Variants in EIF2B1 observed in about 807,000 individuals in gnomAD.
EIF2B1 encodes eukaryotic translation initiation factor 2B subunit alpha, also known as translation initiation factor eIF2B subunit alpha.
In EIF2B1, 30 loss-of-function variants were observed where a neutral mutation model predicts 36.8. The observed-to-expected ratio is 0.81, with a 90% CI of 0.61 to 1.10. EIF2B1 has a LOEUF of 1.10. EIF2B1 is among the 50% of genes least tolerant of loss of function. The pLI is 0.00. For missense variants in EIF2B1, 271 were observed against 374.8 expected, an observed-to-expected ratio of 0.72 and a Z score of 2.29; for synonymous variants, 139 against 142.2, an observed-to-expected ratio of 0.98 and a Z score of 0.16.
intron 1 of EIF2B1, among the ~76,000 whole-genome samples, 183 bp from the exon 2 acceptor site, chr12:123,632,629 G>C (rs1191293691): frequency 6.6e-6 from 1 of 152,178 alleles, no homozygotes; most frequent in Non-Finnish European, 1.5e-5. Flanking sequence ...TTTGCTGTTT[G>C]CAAGAGCTCT....
At chr12:123,622,282 G>A (rs547994717) in intron 8 of EIF2B1, among the ~76,000 whole-genome samples, 2 of 152,328 alleles carry the variant, frequency 1.3e-5, no homozygotes, top group East Asian at 3.9e-4. Flanking sequence ...ATACTGCTAT[G>A]CCATTTTACA....
intron 5 of EIF2B1, 159 bp downstream of exon 5, chr12:123,626,885 G>C (rs1377520769): frequency 4.0e-6 from 3 of 744,784 alleles, no homozygotes; most frequent in Non-Finnish European, 7.1e-6. Context: ...TGCAAATTCA[G>C]TGATTTTTCT....
At chr12:123,625,656 T>C (rs192080943) in intron 6 of EIF2B1, among the ~76,000 whole-genome samples, 11 of 152,342 alleles carry the variant, frequency 7.2e-5, no homozygotes, top group Middle Eastern at 6.8e-3. Flanking sequence ...TCTTGTTTTT[T>C]CTTGGGAAAT....
intron 7 of EIF2B1, among the ~76,000 whole-genome samples, chr12:123,624,203 CCAGA>C (rs1955130823): frequency 1.3e-5 from 2 of 149,708 alleles, no homozygotes; most frequent in Non-Finnish European, 3.0e-5. Flanking sequence ...AAAGCAAAAA[CCAGA>C]CAAACCCCAA....
chr12:123,623,242 A>C (rs139738174), intron 7 of EIF2B1, among the ~76,000 whole-genome samples: 1 of 151,782 alleles, frequency 6.6e-6, no homozygotes, highest in Non-Finnish European at 1.5e-5. Flanking sequence ...TTAGCTGGGC[A>C]TGGTGGGATG....
Position 123,620,579 on chromosome 12 carries a change from A to G in EIF2B1, c.*1177T>C, listed in dbSNP as rs1320197006. 1 of 70,942 alleles carries G rather than the reference A, an allele frequency of 1.4e-5. No individual in the cohort carries two copies. The highest frequency in any genetic ancestry group is 1.8e-4 in the Admixed American group (1 of 5,710). The allele number at this position is 70,942 out of a possible 1,614,324, so 4.4% of individuals were successfully genotyped here. On this transcript the variant is annotated 3_prime_UTR_variant, in exon 9 of 9. Transcript: ENST00000424014. ...GGGTCACATATAGACATATGTACATATTATATATATATATATATATATATA... is the reference window on the plus strand; with the variant it reads ...GGGTCACATATAGACATATGTACATGTTATATATATATATATATATATATA...
rs1566210773 is a variant in EIF2B1 at position 123,620,583 on chromosome 12, TATATA to T, written c.*1168_*1172del. On this transcript the variant is annotated 3_prime_UTR_variant, in exon 9 of 9. Coordinates refer to ENST00000424014, the MANE Select transcript of EIF2B1 (RefSeq NM_001414.4). Reference sequence around the variant, plus strand: ...CACATATAGACATATGTACATATTATATATATATATATATATATATATATATATAT... The same window carrying T: ...CACATATAGACATATGTACATATTATTATATATATATATATATATATATAT... 229 of 25,438 alleles carry T rather than the reference TATATA, an allele frequency of 9.0e-3. 5 individuals are homozygous for T. Among genetic ancestry groups the T allele is most frequent in the African/African-American group, 0.028 (215 of 7,558 alleles). The allele number at this position is 25,438 out of a possible 1,614,324, so 1.6% of individuals were successfully genotyped here.
intron 8 of EIF2B1, among the ~76,000 whole-genome samples, chr12:123,622,431 C>T (rs1469803192): frequency 1.3e-5 from 2 of 152,184 alleles, no homozygotes; most frequent in Admixed American, 1.3e-4. Context: ...CCTCTCCACC[C>T]ATCTATGGTG....
At position 123,621,075 on chromosome 12, in the gene EIF2B1, A is replaced by G. The variant is rs934454881; in HGVS notation, c.*681T>C. Reference sequence around the variant, plus strand: ...AAAGATGCTGAATTTATTCCCAAGTATAATTTTAAAAAGCTGTTTAGGACC... The same window carrying G: ...AAAGATGCTGAATTTATTCCCAAGTGTAATTTTAAAAAGCTGTTTAGGACC... On this transcript the variant is annotated 3_prime_UTR_variant, in exon 9 of 9. Transcript: ENST00000424014. The G allele has an allele frequency of 1.9e-5, 3 of 154,586 alleles. No individual in the cohort carries two copies. The highest frequency in any genetic ancestry group is 6.4e-5 in the Admixed American group (1 of 15,706). 9.6% of individuals were successfully genotyped at this position (154,586 alleles called of 1,614,324 possible).
At chr12:123,626,393 G>C in intron 6 of EIF2B1, 32 bp downstream of exon 6, 1 of 1,613,652 alleles carries the variant, frequency 6.2e-7, no homozygotes, top group Non-Finnish European at 8.5e-7. Flanking sequence ...GGGTGGGGGA[G>C]GTGATTATGG....
intron 4 of EIF2B1, among the ~76,000 whole-genome samples, chr12:123,629,204 G>A (rs1169379533): frequency 3.3e-5 from 5 of 152,152 alleles, no homozygotes; most frequent in Non-Finnish European, 5.9e-5. Context: ...AGGCCTAGGT[G>A]GCAAAAGGAC....
At chr12:123,626,708 A>G in intron 5 of EIF2B1, 1 of 652,604 alleles carries the variant, frequency 1.5e-6, no homozygotes, top group South Asian at 1.8e-5. Flanking sequence ...TCTGGGTAAG[A>G]GATGTAAATT....
Position 123,622,594 on chromosome 12 carries a change from T to C in EIF2B1, c.753+42A>G, listed in dbSNP as rs988245643. 2.5e-5 allele frequency: 41 copies of C among 1,612,994 alleles called. 2 individuals are homozygous for C. The highest frequency in any genetic ancestry group is 1.7e-6 in the Non-Finnish European group (2 of 1,179,284). On this transcript the variant is annotated intron_variant, in intron 8 of 8. Coordinates refer to ENST00000424014, the MANE Select transcript of EIF2B1 (RefSeq NM_001414.4). ...TAGGACTACAATTTCCAAAGGTTTC[T>C]GTTTAGACTTTAGTACCCCTTCAAA...
intron 8 of EIF2B1, 96 bp downstream of exon 8, chr12:123,622,540 A>G: frequency 6.5e-7 from 1 of 1,531,564 alleles, no homozygotes; most frequent in Non-Finnish European, 9.0e-7. Flanking sequence ...AAGTAGCAAT[A>G]GGAAGTGAAA....
Position 123,620,625 on chromosome 12 carries a change from T to A in EIF2B1, c.*1131A>T, listed in dbSNP as rs868413659. On this transcript the variant is annotated 3_prime_UTR_variant, in exon 9 of 9. Coordinates refer to ENST00000424014, the MANE Select transcript of EIF2B1 (RefSeq NM_001414.4). ...ATATATATATATATATATATATATA[T>A]ATAAGCTCTTTTTTCTGAGGCTATT... 101 of 120,676 alleles carry A rather than the reference T, an allele frequency of 8.4e-4. 2 individuals carry two copies. The highest frequency in any genetic ancestry group is 2.9e-3 in the African/African-American group (93 of 31,812). 7.5% of individuals were successfully genotyped at this position (120,676 alleles called of 1,614,324 possible). A position where few individuals can be genotyped will look rare whatever the true frequency, so the allele number is the denominator to read the frequency against.
chr12:123,626,352 T>C, intron 6 of EIF2B1, 73 bp downstream of exon 6: 1 of 1,592,922 alleles, frequency 6.3e-7, no homozygotes, highest in African/African-American at 1.3e-5. Flanking sequence ...ACTCAAACTT[T>C]CAATCTGAAA....
At chr12:123,632,873 G>A (rs1955209920) in intron 1 of EIF2B1, among the ~76,000 whole-genome samples, 1 of 150,184 alleles carries the variant, frequency 6.7e-6, no homozygotes, top group African/African-American at 2.5e-5. Flanking sequence ...GTGAACCCGG[G>A]AGGCGGAGCT....
At chr12:123,624,514 C>A (rs1053535074) in intron 7 of EIF2B1, among the ~76,000 whole-genome samples, 1 of 152,082 alleles carries the variant, frequency 6.6e-6, no homozygotes, top group Non-Finnish European at 1.5e-5. Flanking sequence ...CCCACCCTGG[C>A]CTCTCAAATT....
chr12:123,626,683 A>T, intron 5 of EIF2B1, 190 bp from the exon 6 acceptor site: 2 of 708,514 alleles, frequency 2.8e-6, no homozygotes, highest in East Asian at 5.4e-5. Flanking sequence ...TTTTTGGAAA[A>T]CTATACTCTT....
Sources: gnomAD v4.1 joint callset for allele counts (sites outside exome capture counted in the v4.1 genomes callset) on GRCh38, gnomAD v4.1.1 for gene constraint, MANE v1.5 for transcripts, NCBI Gene and HGNC (gene_info 2026-07-23, HGNC 2026-07-21) for gene names.